The following LRBA variants were observed in gnomAD, a reference collection of about 807,000 sequenced individuals.
LRBA encodes the protein lipopolysaccharide-responsive and beige-like anchor protein.
LRBA carries 176 observed loss-of-function variants against 330.0 expected under a neutral mutation model. The observed-to-expected ratio is 0.53, with a 90% confidence interval of 0.47 to 0.60. The LOEUF is 0.60. LRBA is among the 20% of genes least tolerant of loss of function. The probability of loss-of-function intolerance (pLI) is 0.00; values close to 1 mark genes in which losing one functional copy is unlikely to be tolerated. For missense variants in LRBA, 3,259 were observed against 3,444.8 expected, an observed-to-expected ratio of 0.95 and a Z score of 1.35; for synonymous variants, 1,230 against 1,193.0, an observed-to-expected ratio of 1.03 and a Z score of -0.64.
chr4:150,464,129 G>C (rs1320230911), intron 44 of LRBA, among the ~76,000 whole-genome samples: 2 of 151,732 alleles, frequency 1.3e-5, no homozygotes, highest in Non-Finnish European at 1.5e-5. Flanking sequence ...ATCTTAAAGA[G>C]ATTTCTAAAA....
At chr4:150,498,290 T>C (rs1282502334) in intron 40 of LRBA, among the ~76,000 whole-genome samples, 1 of 152,164 alleles carries the variant, frequency 6.6e-6, no homozygotes, top group East Asian at 1.9e-4. Flanking sequence ...TGTTTTATTT[T>C]CAATATTCCT....
chr4:150,359,979 C>CA (rs35055089), intron 47 of LRBA, among the ~76,000 whole-genome samples: 118,378 of 146,146 alleles, frequency 0.81, 48,846 homozygotes, highest in Non-Finnish European at 0.92. Flanking sequence ...GACTCCGTCT[C>CA]AAAAAAAAAA....
intron 33 of LRBA, among the ~76,000 whole-genome samples, chr4:150,802,641 A>C (rs1741834577): frequency 6.6e-6 from 1 of 152,156 alleles, no homozygotes; most frequent in South Asian, 2.1e-4. Flanking sequence ...CAATTGAGAC[A>C]ATCAGGCTAC....
At chr4:150,461,366 A>T (rs1437362033) in intron 44 of LRBA, among the ~76,000 whole-genome samples, 1 of 151,810 alleles carries the variant, frequency 6.6e-6, no homozygotes, top group Non-Finnish European at 1.5e-5. Context: ...CACTCAAACA[A>T]ATTGAGCAGA....
chr4:150,453,227 T>A (rs1581361577), intron 44 of LRBA, among the ~76,000 whole-genome samples: 3 of 152,058 alleles, frequency 2.0e-5, no homozygotes, highest in Non-Finnish European at 4.4e-5. Context: ...AAACAATTTT[T>A]AAAAAGAAAA....
intron 37 of LRBA, among the ~76,000 whole-genome samples, chr4:150,609,676 C>T (rs1227348612): frequency 6.6e-6 from 1 of 152,142 alleles, no homozygotes; most frequent in Non-Finnish European, 1.5e-5. Flanking sequence ...GAGAGTAAAA[C>T]ACTTATGCTT....
rs149779871 is a variant in LRBA, at chr4:150,583,500, G to A, written c.6330+4548C>T. ...TCAAGATGATCGCGGACACCAGCGA[G>A]GTCAAGTTGCGCATCAGGGAGCGCT... On this transcript the variant is annotated intron_variant, in intron 40 of 56. Transcript: ENST00000651943. The surrounding 1 kb of genome is among the most constrained non-coding windows in gnomAD (Gnocchi z 9.8). 4 of 1,613,858 alleles carry A rather than the reference G, an allele frequency of 2.5e-6. No individual in the cohort carries two copies. The African/African-American group carries it at 5.3e-5, about 22-fold the overall frequency.
intron 40 of LRBA, among the ~76,000 whole-genome samples, chr4:150,560,293 T>G (rs1008445486): frequency 2.6e-5 from 4 of 151,996 alleles, no homozygotes; most frequent in Non-Finnish European, 4.4e-5. Flanking sequence ...TGAGGCTAAA[T>G]ATTAATGGCA....
chr4:150,549,939 C>G (rs1766375330), intron 40 of LRBA, among the ~76,000 whole-genome samples: 1 of 152,190 alleles, frequency 6.6e-6, no homozygotes, highest in African/African-American at 2.4e-5. Context: ...ACTACGAATC[C>G]TGGCCATAGG....
At chr4:150,337,277 T>G (rs1734880442) in intron 48 of LRBA, among the ~76,000 whole-genome samples, 1 of 152,150 alleles carries the variant, frequency 6.6e-6, no homozygotes, top group South Asian at 2.1e-4. Context: ...GTCATCAGTA[T>G]AATAGAACGG....
intron 22 of LRBA, among the ~76,000 whole-genome samples, chr4:150,863,618 C>T (rs1043257409): frequency 7.2e-5 from 11 of 152,142 alleles, no homozygotes; most frequent in African/African-American, 1.7e-4. Context: ...GCCAAGATTG[C>T]GCCACTGCAC....
intron 40 of LRBA, among the ~76,000 whole-genome samples, chr4:150,539,139 C>A (rs1765034824): frequency 6.6e-6 from 1 of 152,012 alleles, no homozygotes; most frequent in Non-Finnish European, 1.5e-5. Flanking sequence ...CCATGCCCGG[C>A]TAATTTTTGT....
At chr4:150,944,146 T>A (rs1735986883) in intron 2 of LRBA, among the ~76,000 whole-genome samples, 1 of 152,168 alleles carries the variant, frequency 6.6e-6, no homozygotes, top group Non-Finnish European at 1.5e-5. Flanking sequence ...GCCAACCTAC[T>A]CCCAAATTCC....
intron 2 of LRBA, among the ~76,000 whole-genome samples, chr4:150,943,122 G>A (rs1269287031): frequency 6.6e-6 from 1 of 152,134 alleles, no homozygotes; most frequent in African/African-American, 2.4e-5. Flanking sequence ...AAGGTTCCAT[G>A]ATCAAATAAG....
rs1579000170 is a variant in LRBA, at chr4:150,852,898, C to T, written c.2812G>A (p.Glu938Lys). The T allele has an allele frequency of 3.1e-6, 5 of 1,597,742 alleles. No homozygotes were observed. Among genetic ancestry groups the T allele is most frequent in the Non-Finnish European group, 4.3e-6 (5 of 1,173,688 alleles). Residue 938 changes from glutamate to lysine, a missense_variant, in exon 23 of 57, where the codon GAA becomes AAA. Coordinates refer to ENST00000651943, the MANE Select transcript of LRBA (RefSeq NM_001364905.1). ...TCTTCATCAACTTTTCCTTGCTGTT[C>T]CCTAAATATATTGGCAAGGTTTTCT... ...HKENLANIFR[E>K]QQGKVDEEIG... is the part of the protein sequence containing the mutation.
intron 37 of LRBA, among the ~76,000 whole-genome samples, chr4:150,614,510 T>C (rs1775576928): frequency 1.3e-5 from 2 of 152,210 alleles, no homozygotes; most frequent in Admixed American, 1.3e-4. Flanking sequence ...TTGCCTAAAA[T>C]TGTCTATGAT....
intron 48 of LRBA, among the ~76,000 whole-genome samples, chr4:150,349,433 T>A (rs1468237721): frequency 6.6e-6 from 1 of 152,216 alleles, no homozygotes; most frequent in Non-Finnish European, 1.5e-5. Flanking sequence ...TAAGGTCTTC[T>A]ACAGACTTTT....
intron 37 of LRBA, among the ~76,000 whole-genome samples, chr4:150,680,589 G>T (rs1206036741): frequency 6.6e-6 from 1 of 152,172 alleles, no homozygotes; most frequent in African/African-American, 2.4e-5. Flanking sequence ...ACTATAACAT[G>T]TTCAAAATGG....
chr4:150,828,194 G>T lies in LRBA; in HGVS notation c.5157C>A (p.Phe1719Leu). 2 of 1,613,976 alleles carry T rather than the reference G, an allele frequency of 1.2e-6. No homozygotes were observed. Among genetic ancestry groups the T allele is most frequent in the South Asian group, 1.1e-5 (1 of 91,056 alleles). ...ATTATCAGTACCTGTCAAAAGATCT[G>T]AACTGCACGGGTTGTTCCACAGATA... The part of the protein sequence containing the change: ...GDLSVEQPVQ[F>L]RSFDRSVIVA... Residue 1719 changes from phenylalanine (F) to leucine (L), a missense_variant, in exon 30 of 57, where the codon TTC becomes TTA. Coordinates refer to ENST00000651943, the MANE Select transcript of LRBA (RefSeq NM_001364905.1).
Sources: allele counts gnomAD v4.1 joint callset (sites outside exome capture counted in the v4.1 genomes callset), GRCh38; gene constraint gnomAD v4.1.1; non-coding constraint Gnocchi (gnomAD v3.1); transcripts MANE v1.5; gene names NCBI Gene and HGNC (gene_info 2026-07-23, HGNC 2026-07-21).